NELL1: variants seen among roughly 807,000 people sequenced by gnomAD.
The protein encoded by NELL1 is protein kinase C-binding protein NELL1.
A neutral mutation model predicts 107.4 loss-of-function variants in NELL1; 76 were observed. That is an observed-to-expected ratio of 0.71 (90% CI 0.59 to 0.86). The LOEUF is 0.86. Ranked by LOEUF, NELL1 falls within the 40% of genes least tolerant of loss-of-function variation. The pLI is 0.00. For synonymous variants in NELL1, 353 were observed against 341.2 expected (o/e 1.03, Z -0.38); for missense variants, 1,024 against 1,005.5 (o/e 1.02, Z -0.25).
chr11:21,415,577 C>G (rs1333404622), intron 15 of NELL1, among the ~76,000 whole-genome samples: 1 of 151,888 alleles, frequency 6.6e-6, no homozygotes, highest in Non-Finnish European at 1.5e-5. Context: ...CCTTTCATTT[C>G]CCCCCTATTT....
At chr11:21,547,621 C>T (rs1856475874) in intron 16 of NELL1, among the ~76,000 whole-genome samples, 1 of 151,908 alleles carries the variant, frequency 6.6e-6, no homozygotes, top group African/African-American at 2.4e-5. Context: ...ATTTCAGATA[C>T]TCTATCATAA....
intron 12 of NELL1, among the ~76,000 whole-genome samples, chr11:21,044,581 G>C (rs1853312689): frequency 6.6e-6 from 1 of 152,122 alleles, no homozygotes; most frequent in Non-Finnish European, 1.5e-5. Flanking sequence ...GAATGGGAAA[G>C]ATCCAATAGA....
intron 15 of NELL1, among the ~76,000 whole-genome samples, chr11:21,435,724 C>T (rs1853096203): frequency 6.6e-6 from 1 of 151,614 alleles, no homozygotes; most frequent in Non-Finnish European, 1.5e-5. Context: ...GTTTGGTTTG[C>T]TAGTAATTTG....
chr11:21,035,864 A>G (rs1326820768), intron 12 of NELL1, among the ~76,000 whole-genome samples: 1 of 152,194 alleles, frequency 6.6e-6, no homozygotes, highest in Non-Finnish European at 1.5e-5. Context: ...TATTCAACAT[A>G]GTATTGGAAG....
chr11:21,219,441 C>T (rs1857697320), intron 13 of NELL1, among the ~76,000 whole-genome samples: 1 of 152,126 alleles, frequency 6.6e-6, no homozygotes, highest in Non-Finnish European at 1.5e-5. Context: ...TGTCTCTATA[C>T]TCTGTTGTTT....
At chr11:20,740,189 A>C (rs1023102936) in intron 2 of NELL1, among the ~76,000 whole-genome samples, 4 of 152,034 alleles carry the variant, frequency 2.6e-5, no homozygotes, top group African/African-American at 9.7e-5. Context: ...TACTGTCCTC[A>C]TTTTTCAAAG....
chr11:20,847,511 G>A (rs1848721012), intron 3 of NELL1, 72 bp from the exon 4 acceptor site: 5 of 1,469,260 alleles, frequency 3.4e-6, no homozygotes, highest in Non-Finnish European at 4.6e-6. Context: ...TGGTAGTAAG[G>A]GGTTGAGGGA....
At chr11:21,520,630 C>T (rs1455167364) in intron 15 of NELL1, among the ~76,000 whole-genome samples, 2 of 152,086 alleles carry the variant, frequency 1.3e-5, no homozygotes, top group East Asian at 3.9e-4. Context: ...TTTTGTGAGC[C>T]AATATGTTTC....
chr11:20,907,818 A>G (rs1850037355), intron 5 of NELL1, among the ~76,000 whole-genome samples: 1 of 152,184 alleles, frequency 6.6e-6, no homozygotes, highest in South Asian at 2.1e-4. Context: ...CTTACTGACA[A>G]AAGTCTAATA....
chr11:21,337,663 G>A (rs548616757), intron 14 of NELL1, among the ~76,000 whole-genome samples: 8 of 152,226 alleles, frequency 5.3e-5, no homozygotes, highest in South Asian at 2.1e-4. Context: ...TCTGACCCAC[G>A]AATTATTTCT....
chr11:21,412,964 T>C (rs1199603951), intron 15 of NELL1, among the ~76,000 whole-genome samples: 1 of 152,054 alleles, frequency 6.6e-6, no homozygotes, highest in East Asian at 1.9e-4. Flanking sequence ...TGGGAAGTAA[T>C]TCTGGCCCCT....
At chr11:21,451,197 A>AG (rs1564900332) in intron 15 of NELL1, among the ~76,000 whole-genome samples, 3 of 139,744 alleles carry the variant, frequency 2.1e-5, no homozygotes, top group Non-Finnish European at 3.1e-5. Context: ...AAAAAAAAAA[A>AG]AAAAAGAAAA....
chr11:21,025,780 G>T (rs528061388), intron 12 of NELL1, among the ~76,000 whole-genome samples: 1 of 152,072 alleles, frequency 6.6e-6, no homozygotes, highest in Non-Finnish European at 1.5e-5. Flanking sequence ...TCCACTTGAC[G>T]TTGAAAATGA....
At chr11:20,876,240 A>G (rs1051772077) in intron 4 of NELL1, among the ~76,000 whole-genome samples, 1 of 152,184 alleles carries the variant, frequency 6.6e-6, no homozygotes, top group African/African-American at 2.4e-5. Flanking sequence ...ATTCATCCCC[A>G]TAGTCTCTCT....
At chr11:21,283,176 T>C (rs1478508379) in intron 14 of NELL1, among the ~76,000 whole-genome samples, 1 of 152,084 alleles carries the variant, frequency 6.6e-6, no homozygotes, top group Non-Finnish European at 1.5e-5. Flanking sequence ...ATGAGTGTAG[T>C]TGGATTATAT....
intron 13 of NELL1, among the ~76,000 whole-genome samples, chr11:21,120,964 G>T (rs1855353557): frequency 6.6e-6 from 1 of 152,050 alleles, no homozygotes; most frequent in African/African-American, 2.4e-5. Flanking sequence ...TGTACCAAAA[G>T]CAGGATTCCA....
intron 5 of NELL1, among the ~76,000 whole-genome samples, chr11:20,892,928 CA>C (rs35992813): frequency 0.49 from 47,825 of 98,510 alleles, 7,377 homozygotes; most frequent in South Asian, 0.6. Flanking sequence ...GACTGTGTCT[CA>C]AAAAAAAAAA....
intron 12 of NELL1, among the ~76,000 whole-genome samples, chr11:21,098,702 T>C (rs972018136): frequency 3.3e-5 from 5 of 152,158 alleles, no homozygotes; most frequent in African/African-American, 1.2e-4. Context: ...AAGCTGTCAT[T>C]GATTGAACTC....
chr11:21,002,354 A>C (rs17232918), intron 12 of NELL1, among the ~76,000 whole-genome samples: 11 of 152,126 alleles, frequency 7.2e-5, no homozygotes, highest in African/African-American at 2.7e-4. Context: ...CATTCTGACT[A>C]TTCCGTCTTT....
Sources: gnomAD v4.1 joint callset for allele counts (sites outside exome capture counted in the v4.1 genomes callset) on GRCh38, gnomAD v4.1.1 for gene constraint, MANE v1.5 for transcripts, NCBI Gene and HGNC (gene_info 2026-07-23, HGNC 2026-07-21) for gene names.